The following B3GALT1 variants were observed in gnomAD, a reference collection of about 807,000 sequenced individuals.
The protein encoded by B3GALT1 is beta-1,3-galactosyltransferase 1.
A neutral mutation model predicts 23.2 loss-of-function variants in B3GALT1; 10 were observed. The observed-to-expected ratio is 0.43, with a 90% CI of 0.27 to 0.73. B3GALT1 has a LOEUF of 0.73. Ranked by LOEUF, B3GALT1 falls within the 30% of genes least tolerant of loss-of-function variation. B3GALT1 has a pLI of 0.21. For synonymous variants in B3GALT1, 156 were observed against 141.5 expected (o/e 1.10, Z -0.73); for missense variants, 299 against 405.4 (o/e 0.74, Z 2.25).
chr2:167,478,829 G>A (rs147531587), intron 1 of B3GALT1, among the ~76,000 whole-genome samples: 2,951 of 150,512 alleles, frequency 0.02, 90 homozygotes, highest in African/African-American at 0.068. Flanking sequence ...TTGGTTTTTT[G>A]TCCTTGTGAT....
intron 3 of B3GALT1, among the ~76,000 whole-genome samples, chr2:167,671,403 A>C (rs1011401187): frequency 6.6e-6 from 1 of 152,210 alleles, no homozygotes; most frequent in Non-Finnish European, 1.5e-5. Flanking sequence ...TTTAGATCAT[A>C]TGTTGAGCCA....
rs546111852 is a variant in B3GALT1, at chr2:167,848,954, C to G, written c.-229-19857C>G. On this transcript the variant is annotated intron_variant, in intron 4 of 4. Coordinates refer to ENST00000392690, the MANE Select transcript of B3GALT1 (RefSeq NM_020981.4). ...CACCAACAGCAACCAAGTGGAGAAT[C>G]AAATCAAGAACTCAACCCCTTTACA... 2.0e-5 allele frequency among the ~76,000 whole-genome samples: 3 copies of G among 152,224 alleles called. No individual in the cohort carries two copies. In the South Asian group the frequency reaches 6.2e-4, roughly 32 times the overall value.
intron 3 of B3GALT1, among the ~76,000 whole-genome samples, chr2:167,790,401 C>G (rs145884416): frequency 6.6e-6 from 1 of 152,276 alleles, no homozygotes; most frequent in South Asian, 2.1e-4. Flanking sequence ...CTGGTTTCAT[C>G]TGAGATGTCT....
At chr2:167,451,433 TGACA>T (rs1481751300) in intron 1 of B3GALT1, among the ~76,000 whole-genome samples, 6 of 152,190 alleles carry the variant, frequency 3.9e-5, no homozygotes, top group African/African-American at 1.4e-4. Context: ...TGTGGCTTCC[TGACA>T]GGTGAGCTGT....
At chr2:167,560,539 G>C (rs1279852949) in intron 2 of B3GALT1, among the ~76,000 whole-genome samples, 1 of 152,180 alleles carries the variant, frequency 6.6e-6, no homozygotes, top group Non-Finnish European at 1.5e-5. Flanking sequence ...AGACCCATCA[G>C]CATGCTGTAT....
chr2:167,668,297 A>G (rs1049643589), intron 3 of B3GALT1, among the ~76,000 whole-genome samples: 1 of 151,984 alleles, frequency 6.6e-6, no homozygotes, highest in East Asian at 1.9e-4. Flanking sequence ...TTGAGGAGGC[A>G]GTTTGCCCGT....
intron 1 of B3GALT1, among the ~76,000 whole-genome samples, chr2:167,354,418 C>G (rs1314753146): frequency 6.6e-6 from 1 of 150,408 alleles, no homozygotes; most frequent in Non-Finnish European, 1.5e-5. Context: ...GCGATCTCGG[C>G]TCACTGCAAC....
chr2:167,805,743 G>C (rs1212877881), intron 3 of B3GALT1, among the ~76,000 whole-genome samples: 1 of 152,174 alleles, frequency 6.6e-6, no homozygotes, highest in Non-Finnish European at 1.5e-5. Flanking sequence ...TTGTAATATA[G>C]TTTGAAGTCA....
At chr2:167,417,104 G>A (rs1347890106) in intron 1 of B3GALT1, among the ~76,000 whole-genome samples, 3 of 152,166 alleles carry the variant, frequency 2.0e-5, no homozygotes, top group Non-Finnish European at 4.4e-5. Flanking sequence ...GAGGCCAGGG[G>A]TGGGATGCTA....
At chr2:167,638,194 C>T (rs1372762582) in intron 2 of B3GALT1, among the ~76,000 whole-genome samples, 1 of 151,934 alleles carries the variant, frequency 6.6e-6, no homozygotes, top group Non-Finnish European at 1.5e-5. Flanking sequence ...AAATTAAGCT[C>T]AGAGATCCAT....
intron 1 of B3GALT1, among the ~76,000 whole-genome samples, chr2:167,318,534 A>G (rs2105491196): frequency 7.3e-6 from 1 of 136,850 alleles, no homozygotes. Flanking sequence ...GGAGGGAAGG[A>G]AAAAAAAATC....
intron 1 of B3GALT1, among the ~76,000 whole-genome samples, chr2:167,483,986 G>A (rs748518474): frequency 4.6e-5 from 7 of 152,162 alleles, no homozygotes; most frequent in Non-Finnish European, 1.0e-4. Flanking sequence ...TCTCCGTTAA[G>A]AACTGACCTC....
At chr2:167,855,338 G>A (rs1479202836) in intron 4 of B3GALT1, among the ~76,000 whole-genome samples, 1 of 152,110 alleles carries the variant, frequency 6.6e-6, no homozygotes, top group Admixed American at 6.6e-5. Flanking sequence ...TCAAATCCAG[G>A]TTTAATCACT....
chr2:167,355,969 T>C (rs535750617), intron 1 of B3GALT1, among the ~76,000 whole-genome samples: 1 of 152,290 alleles, frequency 6.6e-6, no homozygotes, highest in East Asian at 1.9e-4. Flanking sequence ...CAAACCCTAG[T>C]GCTAAAGATG....
At chr2:167,839,876 A>G (rs1223330193) in intron 4 of B3GALT1, among the ~76,000 whole-genome samples, 2 of 152,184 alleles carry the variant, frequency 1.3e-5, no homozygotes, top group Admixed American at 6.5e-5. Context: ...ATAACGCCGC[A>G]TATCTGCAAC....
intron 1 of B3GALT1, among the ~76,000 whole-genome samples, chr2:167,438,790 T>C (rs1323338453): frequency 2.0e-5 from 3 of 152,200 alleles, no homozygotes; most frequent in Admixed American, 6.5e-5. Context: ...TCTGTTCTCA[T>C]CCTTACTTTT....
intron 3 of B3GALT1, among the ~76,000 whole-genome samples, chr2:167,721,020 T>C (rs1325827760): frequency 6.6e-6 from 1 of 152,130 alleles, no homozygotes; most frequent in Non-Finnish European, 1.5e-5. Context: ...TCTCCTTCCT[T>C]CTTTCTCTCT....
intron 1 of B3GALT1, among the ~76,000 whole-genome samples, chr2:167,312,503 A>T (rs1696647757): frequency 6.6e-6 from 1 of 152,024 alleles, no homozygotes; most frequent in Non-Finnish European, 1.5e-5. Context: ...TACAAAGAAC[A>T]CTCAGTCTAA....
chr2:167,855,248 T>C (rs1255787432), intron 4 of B3GALT1, among the ~76,000 whole-genome samples: 1 of 152,170 alleles, frequency 6.6e-6, no homozygotes, highest in Non-Finnish European at 1.5e-5. Context: ...GAAAATAAAT[T>C]TGATTCTGAC....
Sources: gnomAD v4.1 joint callset for allele counts (sites outside exome capture counted in the v4.1 genomes callset) on GRCh38, gnomAD v4.1.1 for gene constraint, MANE v1.5 for transcripts, NCBI Gene and HGNC (gene_info 2026-07-23, HGNC 2026-07-21) for gene names.